Variants in RBFOX1 observed in about 807,000 individuals in gnomAD.
RBFOX1 encodes the protein RNA binding protein fox-1 homolog 1.
RBFOX1 carries 8 observed loss-of-function variants against 57.7 expected under a neutral mutation model. That is an observed-to-expected ratio of 0.14 (90% CI 0.08 to 0.25). The LOEUF (loss-of-function observed/expected upper bound fraction) is 0.25. Ranked by LOEUF, RBFOX1 falls within the 10% of genes least tolerant of loss-of-function variation. The probability of loss-of-function intolerance (pLI) is 1.00; values close to 1 mark genes in which losing one functional copy is unlikely to be tolerated. For missense variants in RBFOX1, 611 were observed against 548.5 expected, an observed-to-expected ratio of 1.11 and a Z score of -1.14; for synonymous variants, 326 against 222.4, an observed-to-expected ratio of 1.47 and a Z score of -4.15.
intron 1 of RBFOX1, among the ~76,000 whole-genome samples, chr16:6,088,474 A>G (rs1394152785): frequency 1.3e-5 from 2 of 152,110 alleles, no homozygotes. Context: ...CCTATCCACC[A>G]TTCAACCATC....
intron 3 of RBFOX1, among the ~76,000 whole-genome samples, chr16:5,647,634 T>G (rs548023784): frequency 2.6e-4 from 39 of 151,912 alleles, no homozygotes; most frequent in Admixed American, 2.2e-3. Context: ...AAGAAAAGAG[T>G]AGACCTCAGT....
intron 1 of RBFOX1, among the ~76,000 whole-genome samples, chr16:6,103,513 G>A (rs1043412522): frequency 6.6e-6 from 1 of 152,022 alleles, no homozygotes; most frequent in African/African-American, 2.4e-5. Context: ...GTACTTAACA[G>A]CATCAAAGTT....
intron 1 of RBFOX1, among the ~76,000 whole-genome samples, chr16:5,302,343 G>GAGC (rs1337817453): frequency 6.6e-6 from 1 of 152,070 alleles, no homozygotes; most frequent in East Asian, 1.9e-4. Context: ...TAGCTTTATG[G>GAGC]AGCAGCAGCA....
intron 2 of RBFOX1, among the ~76,000 whole-genome samples, chr16:5,472,129 T>G (rs973867550): frequency 6.6e-6 from 1 of 152,136 alleles, no homozygotes; most frequent in Non-Finnish European, 1.5e-5. Context: ...GAGAATCTTA[T>G]TATCACGGCT....
At chr16:6,458,251 C>G (rs543521706) in intron 2 of RBFOX1, among the ~76,000 whole-genome samples, 1 of 146,528 alleles carries the variant, frequency 6.8e-6, no homozygotes, top group East Asian at 2.1e-4. Context: ...TGGCATCACT[C>G]AGGACCACAG....
chr16:7,083,888 G>A (rs1398736178), intron 4 of RBFOX1, among the ~76,000 whole-genome samples: 1 of 152,058 alleles, frequency 6.6e-6, no homozygotes, highest in Non-Finnish European at 1.5e-5. Flanking sequence ...TGACTCTGTG[G>A]TGAAGCTAGG....
At chr16:7,197,541 A>C (rs1180373936) in intron 4 of RBFOX1, among the ~76,000 whole-genome samples, 1 of 152,154 alleles carries the variant, frequency 6.6e-6, no homozygotes. Context: ...TTAAACATAA[A>C]ATTACCACAT....
intron 4 of RBFOX1, among the ~76,000 whole-genome samples, chr16:5,897,484 C>T (rs192749571): frequency 6.6e-6 from 1 of 152,260 alleles, no homozygotes; most frequent in East Asian, 1.9e-4. Context: ...TGAGTAGGAT[C>T]AATGTTATTC....
At chr16:5,858,207 C>A (rs2057120464) in intron 3 of RBFOX1, among the ~76,000 whole-genome samples, 1 of 152,086 alleles carries the variant, frequency 6.6e-6, no homozygotes, top group African/African-American at 2.4e-5. Context: ...TAGATGGTGA[C>A]ACCTTACCCC....
chr16:6,696,649 G>C (rs1312794702), intron 3 of RBFOX1, among the ~76,000 whole-genome samples: 2 of 152,008 alleles, frequency 1.3e-5, no homozygotes, highest in African/African-American at 4.8e-5. Context: ...TCTGCTATCT[G>C]TACAGTCTCC....
At chr16:6,524,886 T>G (rs2096557737) in intron 2 of RBFOX1, among the ~76,000 whole-genome samples, 1 of 152,178 alleles carries the variant, frequency 6.6e-6, no homozygotes, top group Admixed American at 6.5e-5. Context: ...AAGGACACCA[T>G]TCCCTGGATT....
intron 2 of RBFOX1, among the ~76,000 whole-genome samples, chr16:6,562,555 A>G (rs186282371): frequency 3.0e-4 from 46 of 152,346 alleles, no homozygotes; most frequent in African/African-American, 1.0e-3. Context: ...TGAAGACACG[A>G]TGTGTGTAAT....
chr16:6,318,789 A>T (rs1260849324), intron 2 of RBFOX1, among the ~76,000 whole-genome samples: 1 of 152,024 alleles, frequency 6.6e-6, no homozygotes, highest in African/African-American at 2.4e-5. Context: ...ACTGCTCTAA[A>T]CCAGTGAGCA....
At chr16:5,724,259 G>A (rs2052048298) in intron 3 of RBFOX1, among the ~76,000 whole-genome samples, 1 of 152,216 alleles carries the variant, frequency 6.6e-6, no homozygotes, top group South Asian at 2.1e-4. Context: ...CTGTGTCTGG[G>A]GTAGTTGTCA....
chr16:7,309,444 C>T (rs2096263006), intron 4 of RBFOX1, among the ~76,000 whole-genome samples: 1 of 152,194 alleles, frequency 6.6e-6, no homozygotes, highest in Non-Finnish European at 1.5e-5. Flanking sequence ...AGCCTTGTGC[C>T]ATTCGCCTGC....
chr16:5,612,627 G>C (rs1460742398), intron 3 of RBFOX1, among the ~76,000 whole-genome samples: 2 of 152,244 alleles, frequency 1.3e-5, no homozygotes, highest in Admixed American at 6.5e-5. Context: ...AGCTCTCAAG[G>C]CCACAGGGCA....
At position 5,418,484 on chromosome 16, in the gene RBFOX1, CAG is replaced by C. The variant is rs1331782309; in HGVS notation, c.220-48729_220-48728del. On this transcript the variant is annotated intron_variant, in intron 1 of 2. Transcript: ENST00000585867. Reference sequence around the variant, plus strand: ...AAAGACCAAATTATTGGTTACAGGACAGAGGGCAGGCCTGAATTCAGGAGATA... The same window carrying C: ...AAAGACCAAATTATTGGTTACAGGACAGGGCAGGCCTGAATTCAGGAGATA... Among the ~76,000 whole-genome samples the C allele has an allele frequency of 2.0e-5, 3 of 152,214 alleles. No individual in the cohort carries two copies. In the East Asian group the frequency reaches 5.8e-4, roughly 29 times the overall value.
chr16:5,266,916 T>A (rs2151112508), intron 1 of RBFOX1, among the ~76,000 whole-genome samples: 1 of 152,126 alleles, frequency 6.6e-6, no homozygotes, highest in East Asian at 1.9e-4. Context: ...GCACATTTCT[T>A]TAAGTAATAA....
At position 6,492,684 on chromosome 16, in the gene RBFOX1, G is replaced by A. The variant is rs570690067; in HGVS notation, c.-63-161919G>A. 7.2e-5 allele frequency among the ~76,000 whole-genome samples: 11 copies of A among 152,336 alleles called. No homozygotes were observed. In the South Asian group the frequency reaches 2.3e-3, roughly 32 times the overall value. ...TTGTGAAGATGCAGCTTGGTTCACT[G>A]CCGCATTGTGAACAGTCAGAAGGAA... is the stretch of plus-strand genomic sequence containing the variant. On this transcript the variant is annotated intron_variant, in intron 2 of 15. Coordinates refer to ENST00000550418, the MANE Select transcript of RBFOX1 (RefSeq NM_018723.4).
Sources: allele counts gnomAD v4.1 joint callset (sites outside exome capture counted in the v4.1 genomes callset), GRCh38; gene constraint gnomAD v4.1.1; transcripts MANE v1.5; gene names NCBI Gene and HGNC (gene_info 2026-07-23, HGNC 2026-07-21).